HDAC9: variants seen among roughly 807,000 people sequenced by gnomAD.
The protein encoded by HDAC9 is MEF-2 interacting transcription repressor (MITR) protein.
A neutral mutation model predicts 139.4 loss-of-function variants in HDAC9; 41 were observed. The ratio of observed to expected loss-of-function variants is 0.29; its 90% CI spans 0.23 to 0.38. The LOEUF (loss-of-function observed/expected upper bound fraction) is 0.38. Among genes scored for constraint, HDAC9 ranks in the 10% least tolerant of loss-of-function variants. HDAC9 has a pLI of 1.00. For synonymous variants in HDAC9, 517 were observed against 476.2 expected (o/e 1.09, Z -1.12); for missense variants, 1,147 against 1,297.0 (o/e 0.88, Z 1.78).
rs1021763312 is a variant in HDAC9, at chr7:18,589,129, C to T, written c.265-1207C>T. Reference sequence around the variant, plus strand: ...TACTAATGTCAGAACCTAAGGAGAACTCAAGGTCTTTAGTTACTCCTCAGT... The same window carrying T: ...TACTAATGTCAGAACCTAAGGAGAATTCAAGGTCTTTAGTTACTCCTCAGT... On this transcript the variant is annotated intron_variant, in intron 3 of 25. Coordinates refer to ENST00000686413, the MANE Select transcript of HDAC9 (RefSeq NM_178425.4). Among the ~76,000 whole-genome samples, 59 of 152,016 alleles carry T rather than the reference C, an allele frequency of 3.9e-4. 1 individual carries two copies. The highest frequency in any genetic ancestry group is 4.0e-4 in the Non-Finnish European group (27 of 68,022).
At chr7:18,552,302 G>A (rs532751415) in intron 2 of HDAC9, among the ~76,000 whole-genome samples, 1 of 152,024 alleles carries the variant, frequency 6.6e-6, no homozygotes, top group Non-Finnish European at 1.5e-5. Context: ...TTTTGAGCCT[G>A]CAGACTATTT....
chr7:18,808,887 A>G (rs943267875), intron 17 of HDAC9, among the ~76,000 whole-genome samples: 6 of 152,038 alleles, frequency 3.9e-5, no homozygotes, highest in Non-Finnish European at 8.8e-5. Flanking sequence ...ACAAACAACA[A>G]CAACAACAAC....
chr7:18,327,924 G>A (rs1479697621), intron 1 of HDAC9, among the ~76,000 whole-genome samples: 2 of 151,970 alleles, frequency 1.3e-5, no homozygotes. Flanking sequence ...AAAAGAGGAT[G>A]TTGAGTTAGA....
intron 1 of HDAC9, among the ~76,000 whole-genome samples, chr7:18,136,234 T>C (rs1363145577): frequency 6.4e-4 from 97 of 150,570 alleles, no homozygotes; most frequent in African/African-American, 2.2e-3. Flanking sequence ...TTGCGAAAAT[T>C]TTCTCCCATT....
intron 22 of HDAC9, among the ~76,000 whole-genome samples, chr7:18,903,178 T>C (rs575024350): frequency 2.0e-5 from 3 of 152,374 alleles, no homozygotes; most frequent in South Asian, 4.1e-4. Context: ...TGGTTAACTA[T>C]AGCAAGGGCT....
intron 22 of HDAC9, among the ~76,000 whole-genome samples, chr7:18,905,138 G>T (rs1399850955): frequency 1.3e-5 from 2 of 152,026 alleles, no homozygotes; most frequent in South Asian, 2.1e-4. Flanking sequence ...TGATCCACCC[G>T]CCTTGGCCTC....
At chr7:18,607,459 A>C (rs556594928) in intron 6 of HDAC9, among the ~76,000 whole-genome samples, 2 of 152,214 alleles carry the variant, frequency 1.3e-5, no homozygotes, top group Non-Finnish European at 2.9e-5. Flanking sequence ...AAATATGGAA[A>C]ATATTTGCCT....
chr7:18,907,755 C>G (rs1802393242), intron 22 of HDAC9, among the ~76,000 whole-genome samples: 2 of 149,924 alleles, frequency 1.3e-5, no homozygotes, highest in Admixed American at 1.3e-4. Context: ...GCCATTCTTA[C>G]AGTTTACTTT....
At chr7:18,982,627 C>T (rs1037534468) in intron 25 of HDAC9, among the ~76,000 whole-genome samples, 4 of 152,160 alleles carry the variant, frequency 2.6e-5, no homozygotes, top group African/African-American at 9.7e-5. Flanking sequence ...GCTTCTGCCA[C>T]TTCCCAGTCG....
At chr7:18,415,946 A>G (rs1323576405) in intron 1 of HDAC9, among the ~76,000 whole-genome samples, 1 of 152,094 alleles carries the variant, frequency 6.6e-6, no homozygotes, top group Non-Finnish European at 1.5e-5. Context: ...TCACTTGGTC[A>G]TGATGTATTA....
intron 1 of HDAC9, among the ~76,000 whole-genome samples, chr7:18,095,180 G>A (rs753661168): frequency 6.6e-6 from 1 of 151,824 alleles, no homozygotes; most frequent in Non-Finnish European, 1.5e-5. Flanking sequence ...TTTTTCACTG[G>A]GCCCAGTGTA....
At chr7:18,218,030 C>T (rs867040296) in intron 2 of HDAC9, among the ~76,000 whole-genome samples, 37 of 152,180 alleles carry the variant, frequency 2.4e-4, no homozygotes, top group African/African-American at 8.7e-4. Context: ...CTTAGTTCCT[C>T]ACTGGCTATT....
At chr7:18,823,551 T>C (rs1324657252) in intron 17 of HDAC9, among the ~76,000 whole-genome samples, 1 of 152,160 alleles carries the variant, frequency 6.6e-6, no homozygotes, top group African/African-American at 2.4e-5. Flanking sequence ...TGAAAGTATG[T>C]CTGTGCCTCC....
At chr7:18,488,275 A>G (rs1796116647) in intron 1 of HDAC9, among the ~76,000 whole-genome samples, 1 of 152,050 alleles carries the variant, frequency 6.6e-6, no homozygotes, top group Non-Finnish European at 1.5e-5. Context: ...ACTGTTAAAT[A>G]AAGAAAATAG....
At chr7:18,870,450 A>T (rs1042378174) in intron 21 of HDAC9, among the ~76,000 whole-genome samples, 1 of 152,176 alleles carries the variant, frequency 6.6e-6, no homozygotes, top group African/African-American at 2.4e-5. Flanking sequence ...TAAAAACGCC[A>T]TAGGACTGCT....
rs77707636 is a variant in HDAC9 at position 18,338,251 on chromosome 7, G to T, written c.-42+47736G>T. ...AACTCACCATGTTGGCAATGTTGCA[G>T]TGGGTGGTAAAGTACCATTGCTATT... On this transcript the variant is annotated intron_variant, in intron 1 of 3. Transcript: ENST00000413509. 3.3e-3 allele frequency among the ~76,000 whole-genome samples: 497 copies of T among 151,840 alleles called. 4 individuals carry two copies. In the East Asian group the frequency reaches 0.034, roughly 10 times the overall value.
intron 1 of HDAC9, among the ~76,000 whole-genome samples, chr7:18,359,583 G>A (rs759239537): frequency 3.8e-4 from 58 of 152,224 alleles, no homozygotes; most frequent in Admixed American, 9.2e-4. Flanking sequence ...CCTGCTTTGT[G>A]TCTCCAGGGA....
At chr7:18,940,014 T>G (rs1350922765) in intron 23 of HDAC9, among the ~76,000 whole-genome samples, 1 of 152,196 alleles carries the variant, frequency 6.6e-6, no homozygotes, top group African/African-American at 2.4e-5. Context: ...ATTTTGCCAG[T>G]TTTTTGAATG....
chr7:18,525,878 A>G (rs948279295), intron 2 of HDAC9, among the ~76,000 whole-genome samples: 2 of 152,166 alleles, frequency 1.3e-5, no homozygotes, highest in Non-Finnish European at 1.5e-5. Context: ...TACTTTCTGC[A>G]TACGATTTCT....
Sources: allele counts gnomAD v4.1 joint callset (sites outside exome capture counted in the v4.1 genomes callset), GRCh38; gene constraint gnomAD v4.1.1; transcripts MANE v1.5; gene names NCBI Gene and HGNC (gene_info 2026-07-23, HGNC 2026-07-21).